Variants in MTUS2 observed in about 807,000 individuals in gnomAD.
The protein encoded by MTUS2 is microtubule associated scaffold protein 2, also known as microtubule-associated tumor suppressor candidate 2.
Under a neutral mutation model 114.1 loss-of-function variants are expected in MTUS2, and 40 were observed. The observed-to-expected ratio is 0.35, with a 90% CI of 0.27 to 0.46. The LOEUF (loss-of-function observed/expected upper bound fraction) is 0.46. Ranked by LOEUF, MTUS2 falls within the 20% of genes least tolerant of loss-of-function variation. MTUS2 has a pLI of 1.00. For synonymous variants in MTUS2, 688 were observed against 672.0 expected (o/e 1.02, Z -0.37); for missense variants, 1,679 against 1,705.4 (o/e 0.98, Z 0.27).
At chr13:28,832,033 G>C (rs920670523) in intron 1 of MTUS2, among the ~76,000 whole-genome samples, 20 of 152,230 alleles carry the variant, frequency 1.3e-4, no homozygotes, top group East Asian at 9.7e-4. Context: ...CCAAGTGCTA[G>C]GATTACAGGT....
At chr13:29,062,140 A>G (rs1001398511) in intron 4 of MTUS2, among the ~76,000 whole-genome samples, 1 of 152,090 alleles carries the variant, frequency 6.6e-6, no homozygotes, top group Non-Finnish European at 1.5e-5. Flanking sequence ...GCGCATCATC[A>G]TGCCTGGCTA....
intron 3 of MTUS2, among the ~76,000 whole-genome samples, chr13:29,032,212 A>G (rs1886861608): frequency 6.6e-6 from 1 of 152,178 alleles, no homozygotes. Context: ...AGAATTTGCG[A>G]TCTCACCAGA....
At position 29,024,876 on chromosome 13, in the gene MTUS2, A is replaced by C. The variant is rs754006212; in HGVS notation, c.178A>C (p.Ile60Leu). 8 of 1,613,962 alleles carry C rather than the reference A, an allele frequency of 5.0e-6. No homozygotes were observed. The highest frequency in any genetic ancestry group is 6.8e-6 in the Non-Finnish European group (8 of 1,179,870). Reference protein sequence around the residue: ...ESKTCDLGDEIGNTNSSEPEN... With the variant: ...ESKTCDLGDELGNTNSSEPEN... ...CAAGACATGTGACCTGGGAGATGAA[A>C]TTGGAAATACAAATTCAAGTGAGCC... is the stretch of plus-strand genomic sequence containing the variant. Residue 60 changes from isoleucine to leucine, a missense_variant, in exon 3 of 16, where the codon ATT (isoleucine) becomes CTT (leucine). This residue lies in a region of MTUS2 where 843 missense variants were observed against 770.8 expected (regional missense o/e 1.09). Transcript: ENST00000612955.
intron 2 of MTUS2, among the ~76,000 whole-genome samples, chr13:28,941,701 C>G (rs1882247574): frequency 6.6e-6 from 1 of 151,278 alleles, no homozygotes; most frequent in Non-Finnish European, 1.5e-5. Context: ...ATAGCTTCTT[C>G]AATCATTGTG....
At position 29,145,224 on chromosome 13, in the gene MTUS2, T is replaced by A. The variant is rs74342326; in HGVS notation, c.2644+44254T>A. On this transcript the variant is annotated intron_variant, in intron 5 of 15. Transcript: ENST00000612955. ...ATGTCTTAAATATTTCAGTTTAACC[T>A]AAAATTCATAAATGAGTAAGGACAC... is the stretch of plus-strand genomic sequence containing the variant. 6.2e-3 allele frequency among the ~76,000 whole-genome samples: 939 copies of A among 152,246 alleles called. 7 individuals are homozygous for A. The highest frequency in any genetic ancestry group is 0.011 in the Non-Finnish European group (744 of 68,010).
chr13:28,854,187 A>G (rs1876479374), intron 2 of MTUS2, among the ~76,000 whole-genome samples: 1 of 152,220 alleles, frequency 6.6e-6, no homozygotes. Flanking sequence ...CATCTCAACA[A>G]GAATCCCAGG....
intron 8 of MTUS2, among the ~76,000 whole-genome samples, chr13:29,384,509 A>G (rs1872502567): frequency 6.6e-6 from 1 of 152,242 alleles, no homozygotes. Context: ...AGCTCAGGCC[A>G]AGCTGGATTC....
At chr13:28,841,717 C>T (rs1875505785) in intron 2 of MTUS2, among the ~76,000 whole-genome samples, 1 of 151,180 alleles carries the variant, frequency 6.6e-6, no homozygotes, top group Non-Finnish European at 1.5e-5. Context: ...TACGGAGTCT[C>T]ACTCTGTCGC....
At chr13:29,403,694 G>A (rs1193974847) in intron 8 of MTUS2, among the ~76,000 whole-genome samples, 1 of 152,186 alleles carries the variant, frequency 6.6e-6, no homozygotes, top group Non-Finnish European at 1.5e-5. Context: ...ATATTGAAAC[G>A]TCGGTTCTTG....
At chr13:29,463,630 A>G (rs1225793822) in intron 9 of MTUS2, among the ~76,000 whole-genome samples, 1 of 152,132 alleles carries the variant, frequency 6.6e-6, no homozygotes, top group Non-Finnish European at 1.5e-5. Context: ...GGTAGATTCA[A>G]TCCCAGGTGC....
Position 29,158,296 on chromosome 13 carries a change from C to T in MTUS2, c.2644+57326C>T, listed in dbSNP as rs566324155. On this transcript the variant is annotated intron_variant, in intron 5 of 15. Transcript: ENST00000612955. Reference sequence around the variant, plus strand: ...TTCATGTACTTTCGTATTTACACCTCGCCACAATTCCACGAGATAGGTCAT... The same window carrying T: ...TTCATGTACTTTCGTATTTACACCTTGCCACAATTCCACGAGATAGGTCAT... Among the ~76,000 whole-genome samples the T allele has an allele frequency of 8.4e-4, 128 of 151,502 alleles. 1 individual carries two copies. Among genetic ancestry groups the T allele is most frequent in the African/African-American group, 2.6e-3 (108 of 41,254 alleles).
intron 6 of MTUS2, among the ~76,000 whole-genome samples, chr13:29,313,505 T>C (rs1899859885): frequency 6.6e-6 from 1 of 152,158 alleles, no homozygotes; most frequent in Non-Finnish European, 1.5e-5. Context: ...GAAACATTCA[T>C]CTATAGGTTG....
At chr13:29,357,888 C>A (rs563321316) in intron 7 of MTUS2, among the ~76,000 whole-genome samples, 1 of 152,278 alleles carries the variant, frequency 6.6e-6, no homozygotes, top group Non-Finnish European at 1.5e-5. Context: ...CCACTAGAAG[C>A]ATTTAGGTCA....
intron 8 of MTUS2, among the ~76,000 whole-genome samples, chr13:29,413,296 G>A (rs1367614156): frequency 2.0e-5 from 3 of 152,142 alleles, no homozygotes; most frequent in Non-Finnish European, 2.9e-5. Context: ...TCTCATCTTT[G>A]AAGGTTTGGT....
intron 2 of MTUS2, among the ~76,000 whole-genome samples, chr13:28,986,826 A>T (rs551302431): frequency 6.6e-6 from 1 of 152,336 alleles, no homozygotes; most frequent in Non-Finnish European, 1.5e-5. Flanking sequence ...AATTAAAATA[A>T]TTAAATTAAG....
intron 9 of MTUS2, among the ~76,000 whole-genome samples, chr13:29,472,116 C>G (rs978404181): frequency 6.6e-6 from 1 of 152,154 alleles, no homozygotes; most frequent in Non-Finnish European, 1.5e-5. Context: ...CCTCTGCCTC[C>G]CGAGTTCAAG....
rs115845658 is a variant in MTUS2 at position 29,059,136 on chromosome 13, G to A, written c.2446+25011G>A. 2.0e-3 allele frequency among the ~76,000 whole-genome samples: 307 copies of A among 151,722 alleles called. 2 individuals carry two copies. The highest frequency in any genetic ancestry group is 7.0e-3 in the African/African-American group (289 of 41,324). On this transcript the variant is annotated intron_variant, in intron 4 of 15. Coordinates refer to ENST00000612955, the MANE Select transcript of MTUS2 (RefSeq NM_001033602.4). Reference sequence around the variant, plus strand: ...TGCTGTTTAAAGGTAAGAAGACACCGTGGCTTTTCGAATTGCCAGAGTTCT... The same window carrying A: ...TGCTGTTTAAAGGTAAGAAGACACCATGGCTTTTCGAATTGCCAGAGTTCT...
intron 2 of MTUS2, among the ~76,000 whole-genome samples, chr13:28,903,409 C>T (rs1450972155): frequency 9.0e-6 from 1 of 110,690 alleles, no homozygotes; most frequent in Non-Finnish European, 1.8e-5. Context: ...GCTATCCCTC[C>T]CCCCTCCCCC....
chr13:29,455,309 G>A (rs2138759859), intron 9 of MTUS2, among the ~76,000 whole-genome samples: 1 of 152,282 alleles, frequency 6.6e-6, no homozygotes, highest in Non-Finnish European at 1.5e-5. Context: ...GCTGAAGCAG[G>A]TCTGAGCACT....
Sources: allele counts gnomAD v4.1 joint callset (sites outside exome capture counted in the v4.1 genomes callset), GRCh38; gene constraint gnomAD v4.1.1; regional missense constraint gnomAD v4.1.1; transcripts MANE v1.5; gene names NCBI Gene and HGNC (gene_info 2026-07-23, HGNC 2026-07-21).